The following SPATA13 variants were observed in gnomAD, a reference collection of about 807,000 sequenced individuals.
SPATA13 encodes the protein spermatogenesis-associated protein 13.
SPATA13 carries 50 observed loss-of-function variants against 104.0 expected under a neutral mutation model. That is an observed-to-expected ratio of 0.48 (90% confidence interval 0.38 to 0.61). The LOEUF is 0.61. Ranked by LOEUF, SPATA13 falls within the 20% of genes least tolerant of loss-of-function variation. The pLI, the probability that SPATA13 is intolerant of heterozygous loss-of-function variation, is 0.00. For missense variants in SPATA13, 1,524 were observed against 1,690.6 expected, an observed-to-expected ratio of 0.90 and a Z score of 1.73; for synonymous variants, 606 against 667.5, an observed-to-expected ratio of 0.91 and a Z score of 1.42.
At chr13:24,155,974 GT>G (rs1406234514), upstream of SPATA13, among the ~76,000 whole-genome samples, 1 of 152,166 alleles carries the variant, frequency 6.6e-6, no homozygotes, top group African/African-American at 2.4e-5. Flanking sequence ...TTAATGTAAT[GT>G]CCTCAGGGTC....
intron 3 of SPATA13, among the ~76,000 whole-genome samples, chr13:24,043,472 T>C (rs9553150): frequency 0.6 from 72,980 of 121,486 alleles, 19,347 homozygotes; most frequent in South Asian, 0.68. Flanking sequence ...TGGACCTTGA[T>C]TGATATTACA....
intron 2 of SPATA13, among the ~76,000 whole-genome samples, chr13:23,986,033 C>T (rs2137652338): frequency 6.6e-6 from 1 of 152,286 alleles, no homozygotes; most frequent in African/African-American, 2.4e-5. Context: ...TGGAGGAGTC[C>T]CCAGGGAGAA....
At chr13:24,157,453 C>T (rs894660424), upstream of SPATA13, among the ~76,000 whole-genome samples, 4 of 152,174 alleles carry the variant, frequency 2.6e-5, no homozygotes, top group Admixed American at 1.3e-4. Flanking sequence ...CGCCCGCCAC[C>T]ACGCCCGGCT....
chr13:24,277,301 G>A (rs1875068083), intron 4 of SPATA13, among the ~76,000 whole-genome samples: 1 of 152,006 alleles, frequency 6.6e-6, no homozygotes, highest in Non-Finnish European at 1.5e-5. Context: ...AAAATTAGCT[G>A]GGTGTGGTGG....
chr13:24,290,592 G>A (rs1399418829), intron 8 of SPATA13, 60 bp from the exon 9 acceptor site: 14 of 1,296,318 alleles, frequency 1.1e-5, no homozygotes, highest in East Asian at 9.2e-5. Context: ...GATGATGCCT[G>A]TCTTTGTCAT....
At chr13:24,269,801 C>T (rs143575849) in intron 4 of SPATA13, among the ~76,000 whole-genome samples, 2,063 of 122,106 alleles carry the variant, frequency 0.017, 59 homozygotes, top group South Asian at 0.15. Context: ...GTTGCCCAGG[C>T]TTGTCTCAAA....
Position 24,222,924 on chromosome 13 carries a change from G to A in SPATA13, c.-6G>A, listed in dbSNP as rs1195551593. 6.4e-7 allele frequency: 1 copy of A among 1,550,820 alleles called. No individual in the cohort carries two copies. Among genetic ancestry groups the A allele is most frequent in the South Asian group, 1.2e-5 (1 of 84,002 alleles). On this transcript the variant is annotated 5_prime_UTR_variant, in exon 2 of 13. The change creates a new upstream start codon in the 5' untranslated region. Coordinates refer to ENST00000382108, the MANE Select transcript of SPATA13 (RefSeq NM_001166271.3). Reference sequence around the variant, plus strand: ...GCGGTCTGCGGACTCGGCAGTGCCCGTGGCCATGACCCAGGCTGCCGTGCG... The same window carrying A: ...GCGGTCTGCGGACTCGGCAGTGCCCATGGCCATGACCCAGGCTGCCGTGCG...
chr13:24,215,842 T>TCCATC (rs1287029858), intron 1 of SPATA13, among the ~76,000 whole-genome samples: 1 of 152,184 alleles, frequency 6.6e-6, no homozygotes, highest in African/African-American at 2.4e-5. Context: ...ATTAGGGCCA[T>TCCATC]CCATCTGGAA....
chr13:24,097,075 G>A (rs188675824), intron 3 of SPATA13, among the ~76,000 whole-genome samples: 3 of 152,202 alleles, frequency 2.0e-5, no homozygotes, highest in African/African-American at 4.8e-5. Flanking sequence ...CGGCTGAAAC[G>A]GTGCCAGTGG....
At chr13:24,076,227 C>T (rs1186319647) in intron 3 of SPATA13, among the ~76,000 whole-genome samples, 2 of 152,180 alleles carry the variant, frequency 1.3e-5, no homozygotes, top group African/African-American at 4.8e-5. Context: ...AGAACTGCCA[C>T]AGGTGCAGTT....
At chr13:24,041,559 G>A (rs1334333856) in intron 3 of SPATA13, among the ~76,000 whole-genome samples, 1 of 152,232 alleles carries the variant, frequency 6.6e-6, no homozygotes, top group Admixed American at 6.5e-5. Flanking sequence ...AAACGATGTT[G>A]GAAGCACAGA....
At chr13:24,217,851 A>G (rs1871343356) in intron 1 of SPATA13, among the ~76,000 whole-genome samples, 1 of 152,054 alleles carries the variant, frequency 6.6e-6, no homozygotes, top group Non-Finnish European at 1.5e-5. Context: ...CGTGCCCACA[A>G]AATACTGTGG....
chr13:24,238,132 C>CTTTT lies in SPATA13; in HGVS notation c.1654-11326_1654-11323dup, dbSNP rs66810619. 1.9e-3 allele frequency among the ~76,000 whole-genome samples: 146 copies of CTTTT among 77,122 alleles called. 2 individuals carry two copies. The highest frequency in any genetic ancestry group is 2.9e-3 in the East Asian group (7 of 2,414). The allele number at this position is 77,122 out of a possible 152,430, so 50.6% of individuals were successfully genotyped here. ...TCCAGCCCAAACCAGTTCTTCTTGA[C>CTTTT]TTTTTTTTTTTTTTTTTTTTTTGAG... On this transcript the variant is annotated intron_variant, in intron 2 of 12. Coordinates refer to ENST00000382108, the MANE Select transcript of SPATA13 (RefSeq NM_001166271.3).
intron 3 of SPATA13, among the ~76,000 whole-genome samples, chr13:24,027,012 A>G (rs1877250829): frequency 2.0e-5 from 3 of 152,044 alleles, no homozygotes; most frequent in Admixed American, 1.3e-4. Flanking sequence ...AGAAATGTGT[A>G]CATTTTGTAT....
At position 23,995,128 on chromosome 13, in the gene SPATA13, G is replaced by T. The variant is rs7334958; in HGVS notation, c.-147+11195G>T. ...GTCCAAAAATGTCAGTAGTGCCAAG[G>T]TTCGGGAACCCTGACATCCTTAAGA... On this transcript the variant is annotated intron_variant, in intron 2 of 14. Coordinates refer to the SPATA13 transcript ENST00000424834. Among the ~76,000 whole-genome samples the T allele has an allele frequency of 2.0e-3, 299 of 152,226 alleles. 3 individuals are homozygous for T. Among genetic ancestry groups the T allele is most frequent in the African/African-American group, 6.6e-3 (275 of 41,518 alleles).
intron 4 of SPATA13, among the ~76,000 whole-genome samples, chr13:24,280,429 G>A (rs546050021): frequency 1.8e-4 from 27 of 151,330 alleles, no homozygotes; most frequent in African/African-American, 6.1e-4. Context: ...AGGAGAAAGC[G>A]TCATTTTTCA....
At chr13:24,294,661 C>A in intron 9 of SPATA13, 78 bp from the exon 10 acceptor site, 1 of 1,458,536 alleles carries the variant, frequency 6.9e-7, no homozygotes, top group South Asian at 1.4e-5. Context: ...TACGAAGAAG[C>A]GCCCCAGTGG....
chr13:24,212,643 G>T (rs1438234080), intron 1 of SPATA13, among the ~76,000 whole-genome samples: 1 of 152,206 alleles, frequency 6.6e-6, no homozygotes, highest in African/African-American at 2.4e-5. Flanking sequence ...GAGGAGAGGA[G>T]AGGGAAAGGG....
intron 3 of SPATA13, among the ~76,000 whole-genome samples, chr13:24,046,783 G>T (rs1027854586): frequency 6.6e-6 from 1 of 151,924 alleles, no homozygotes; most frequent in African/African-American, 2.4e-5. Context: ...CATTTCTATT[G>T]GATATATACC....
Sources: allele counts gnomAD v4.1 joint callset (sites outside exome capture counted in the v4.1 genomes callset), GRCh38; gene constraint gnomAD v4.1.1; transcripts MANE v1.5; gene names NCBI Gene and HGNC (gene_info 2026-07-23, HGNC 2026-07-21).